Variants in FAM53A observed in about 807,000 individuals in gnomAD.
The protein encoded by FAM53A is family with sequence similarity 53 member A, also known as protein FAM53A.
In FAM53A, 28 loss-of-function variants were observed where a neutral mutation model predicts 26.6. That is an observed-to-expected ratio of 1.05 (90% confidence interval 0.78 to 1.45). The LOEUF (loss-of-function observed/expected upper bound fraction) is 1.45, where lower values mean the gene tolerates loss of function less well. Among genes scored for constraint, FAM53A ranks in the 40% most tolerant of loss-of-function variants. FAM53A has a pLI of 0.00. For synonymous variants in FAM53A, 290 were observed against 253.1 expected (o/e 1.15, Z -1.38); for missense variants, 650 against 575.8 (o/e 1.13, Z -1.32).
rs1234412666 is a variant in FAM53A, at chr4:1,684,298, G to C, written c.-230C>G. ...GCCGCCCAGGCCCCGCTCGCTCAGG[G>C]CGACGCGCCTCAGCCGCGGCGGAAC... On this transcript the variant is annotated 5_prime_UTR_variant, in exon 1 of 5. Transcript: ENST00000308132. 2.7e-5 allele frequency: 4 copies of C among 150,934 alleles called. No homozygotes were observed. The highest frequency in any genetic ancestry group is 3.0e-5 in the Non-Finnish European group (2 of 67,306). The allele number at this position is 150,934 out of a possible 1,614,324, so 9.3% of individuals were successfully genotyped here. A position where few individuals can be genotyped will look rare whatever the true frequency, so the allele number is the denominator to read the frequency against.
the FAM53A span, among the ~76,000 whole-genome samples, chr4:1,612,729 C>T: frequency 6.6e-6 from 1 of 152,226 alleles, no homozygotes; most frequent in Admixed American, 6.5e-5. Context: ...AGCATGCACA[C>T]ACCAGCACAT....
intron 4 of FAM53A, among the ~76,000 whole-genome samples, chr4:1,651,936 C>CCA (rs975521337): frequency 3.3e-5 from 5 of 151,602 alleles, no homozygotes; most frequent in Non-Finnish European, 7.4e-5. Flanking sequence ...AACCAGGCAC[C>CCA]CACCTATGCA....
At chr4:1,577,963 C>T in the FAM53A span, among the ~76,000 whole-genome samples, 1 of 152,030 alleles carries the variant, frequency 6.6e-6, no homozygotes, top group Non-Finnish European at 1.5e-5. Context: ...GGGGGTGCTG[C>T]CCGGGGATGC....
At position 1,684,237 on chromosome 4, in the gene FAM53A, G is replaced by C. The variant is rs947536181; in HGVS notation, c.-169C>G. On this transcript the variant is annotated 5_prime_UTR_variant, in exon 1 of 5. Coordinates refer to ENST00000308132, the MANE Select transcript of FAM53A (RefSeq NM_001174070.3). The stretch of plus-strand genomic sequence containing the variant: ...CGCTCCGCCCGGGCTCGGTACCTGA[G>C]CGCGGCCGCGGGGGTGCGGAGCGAG... 5.3e-5 allele frequency: 8 copies of C among 151,086 alleles called. No homozygotes were observed. The highest frequency in any genetic ancestry group is 1.9e-4 in the African/African-American group (8 of 41,308). The allele number at this position is 151,086 out of a possible 1,614,324, so 9.4% of individuals were successfully genotyped here. A position where few individuals can be genotyped will look rare whatever the true frequency, so the allele number is the denominator to read the frequency against.
the FAM53A span, among the ~76,000 whole-genome samples, chr4:1,601,690 G>A: frequency 9.1e-6 from 1 of 109,540 alleles, no homozygotes; most frequent in Admixed American, 1.0e-4. Flanking sequence ...AGCAACATTT[G>A]TCTCTCCTGC....
At chr4:1,646,551 G>C (rs1302092627) in intron 4 of FAM53A, among the ~76,000 whole-genome samples, 1 of 152,224 alleles carries the variant, frequency 6.6e-6, no homozygotes, top group Non-Finnish European at 1.5e-5. Context: ...AGGAGGCACA[G>C]AGAAAACAGC....
chr4:1,600,965 C>A, the FAM53A span, among the ~76,000 whole-genome samples: 6 of 152,208 alleles, frequency 3.9e-5, no homozygotes, highest in African/African-American at 7.2e-5. Flanking sequence ...CCCCAGGGCC[C>A]AGCCCTGGAG....
intron 4 of FAM53A, chr4:1,644,934 T>C (rs1218508706): frequency 6.6e-6 from 1 of 152,386 alleles, no homozygotes; most frequent in Non-Finnish European, 1.5e-5. Flanking sequence ...TACCTGCCCC[T>C]TGCCAAAGCC....
chr4:1,672,333 AACCCATAGACCCATGG>A (rs1312826750), intron 1 of FAM53A, among the ~76,000 whole-genome samples: 4 of 76,650 alleles, frequency 5.2e-5, no homozygotes, highest in South Asian at 6.1e-4. Context: ...CAAACCCAGG[AACCCATAGACCCATGG>A]ACCCAGGAAC....
intron 1 of FAM53A, chr4:1,683,983 C>T (rs1026728601): frequency 2.6e-5 from 4 of 152,220 alleles, no homozygotes; most frequent in Non-Finnish European, 5.9e-5. Flanking sequence ...CCTCTCGCGC[C>T]ACCGAACCAC....
At chr4:1,623,119 G>T (rs980415529) in intron 1 of FAM53A, among the ~76,000 whole-genome samples, 1 of 152,176 alleles carries the variant, frequency 6.6e-6, no homozygotes, top group Non-Finnish European at 1.5e-5. Flanking sequence ...GGTCCCCCAC[G>T]CTGAGCAGCA....
chr4:1,639,062 C>T (rs369893905), downstream of FAM53A, among the ~76,000 whole-genome samples: 14 of 152,306 alleles, frequency 9.2e-5, no homozygotes, highest in East Asian at 1.5e-3. Flanking sequence ...TCATCTCTGA[C>T]GCCCTCCCCG....
chr4:1,681,011 A>C (rs1039300442), intron 1 of FAM53A, among the ~76,000 whole-genome samples: 1 of 152,232 alleles, frequency 6.6e-6, no homozygotes, highest in Non-Finnish European at 1.5e-5. Context: ...AGGTTCATCA[A>C]CTGTAGCAAA....
chr4:1,675,593 G>T (rs798737), intron 1 of FAM53A, among the ~76,000 whole-genome samples: 64 of 152,152 alleles, frequency 4.2e-4, no homozygotes, highest in Non-Finnish European at 8.7e-4. Context: ...ACCCCAGGAG[G>T]TTTCCCTGCC....
At position 1,656,484 on chromosome 4, in the gene FAM53A, G is replaced by A. The variant is rs116829607; in HGVS notation, c.137-761C>T. 3.6e-3 allele frequency among the ~76,000 whole-genome samples: 550 copies of A among 152,276 alleles called. 1 individual carries two copies. The highest frequency in any genetic ancestry group is 0.013 in the African/African-American group (523 of 41,542). On this transcript the variant is annotated intron_variant, in intron 3 of 4. Transcript: ENST00000308132. ...AAAGGCCCTGGGATGACCTTGGGGTGACTGGGAGAGAGATGGGGGCTGTGG... is the reference window on the plus strand; with the variant it reads ...AAAGGCCCTGGGATGACCTTGGGGTAACTGGGAGAGAGATGGGGGCTGTGG...
chr4:1,593,249 G>C, the FAM53A span, among the ~76,000 whole-genome samples: 2 of 152,056 alleles, frequency 1.3e-5, no homozygotes, highest in South Asian at 4.1e-4. Flanking sequence ...CAGACGTTTG[G>C]AGTCAGCAGA....
At chr4:1,596,421 G>T in the FAM53A span, among the ~76,000 whole-genome samples, 8 of 33,754 alleles carry the variant, frequency 2.4e-4, no homozygotes, top group Admixed American at 2.9e-3. Context: ...TTCCCCAAAG[G>T]TACCCTCTTG....
intron 2 of FAM53A, among the ~76,000 whole-genome samples, chr4:1,658,294 A>G (rs1229938743): frequency 6.6e-6 from 1 of 152,186 alleles, no homozygotes; most frequent in Non-Finnish European, 1.5e-5. Context: ...TGCTGGAATT[A>G]CAGGTGTGAG....
chr4:1,674,958 T>C (rs1176163238), intron 1 of FAM53A, among the ~76,000 whole-genome samples: 1 of 152,164 alleles, frequency 6.6e-6, no homozygotes, highest in Non-Finnish European at 1.5e-5. Context: ...AGGAAGCCCC[T>C]GCCGGAGCTG....
Sources: gnomAD v4.1 joint callset for allele counts (sites outside exome capture counted in the v4.1 genomes callset) on GRCh38, gnomAD v4.1.1 for gene constraint, MANE v1.5 for transcripts, NCBI Gene and HGNC (gene_info 2026-07-23, HGNC 2026-07-21) for gene names.